Variants in LMTK2 observed in about 807,000 individuals in gnomAD.
The protein encoded by LMTK2 is serine/threonine-protein kinase LMTK2.
LMTK2 carries 37 observed loss-of-function variants against 127.5 expected under a neutral mutation model. The ratio of observed to expected loss-of-function variants is 0.29; its 90% CI spans 0.22 to 0.38. The LOEUF is 0.38. Among genes scored for constraint, LMTK2 ranks in the 10% least tolerant of loss-of-function variants. LMTK2 has a pLI of 1.00. For missense variants in LMTK2, 1,694 were observed against 1,920.3 expected, an observed-to-expected ratio of 0.88 and a Z score of 2.20; for synonymous variants, 819 against 810.1, an observed-to-expected ratio of 1.01 and a Z score of -0.19.
At chr7:98,112,576 G>A (rs888888172) in intron 1 of LMTK2, among the ~76,000 whole-genome samples, 1 of 152,220 alleles carries the variant, frequency 6.6e-6, no homozygotes, top group Non-Finnish European at 1.5e-5. Context: ...GCACAGAAGA[G>A]AACTTCCCAT....
chr7:98,107,445 AT>A (rs1796127901), intron 1 of LMTK2, among the ~76,000 whole-genome samples, 165 bp downstream of exon 1: 1 of 16,380 alleles, frequency 6.1e-5, no homozygotes. Context: ...GGGGCGTGGG[AT>A]TTGGGGGGGC....
intron 1 of LMTK2, among the ~76,000 whole-genome samples, chr7:98,119,035 T>C (rs1365214186): frequency 7.0e-6 from 1 of 143,620 alleles, no homozygotes; most frequent in African/African-American, 2.6e-5. Flanking sequence ...GAGGTTGCAG[T>C]GAACCAAGAT....
chr7:98,158,954 C>T (rs796188774), intron 5 of LMTK2, among the ~76,000 whole-genome samples: 13 of 152,130 alleles, frequency 8.5e-5, no homozygotes, highest in African/African-American at 3.1e-4. Context: ...GCTATTTGGC[C>T]AGCTGAGGTG....
chr7:98,170,301 C>A (rs1046598937), intron 6 of LMTK2, among the ~76,000 whole-genome samples: 2 of 152,208 alleles, frequency 1.3e-5, no homozygotes, highest in African/African-American at 2.4e-5. Context: ...TCAACATTAT[C>A]ACTCATGTAA....
At chr7:98,199,524 TCA>T (rs34805126) in intron 11 of LMTK2, among the ~76,000 whole-genome samples, 17,826 of 152,192 alleles carry the variant, frequency 0.12, 1,581 homozygotes, top group African/African-American at 0.25. Flanking sequence ...GGAGACAGTC[TCA>T]CTTTGTCACC....
chr7:98,158,386 C>CGA (rs1796960656), intron 5 of LMTK2, among the ~76,000 whole-genome samples: 1 of 152,200 alleles, frequency 6.6e-6, no homozygotes, highest in Non-Finnish European at 1.5e-5. Flanking sequence ...GCAATACTCC[C>CGA]GGCTCAGCTT....
intron 7 of LMTK2, among the ~76,000 whole-genome samples, chr7:98,175,085 G>A (rs1797256144): frequency 6.6e-6 from 1 of 152,280 alleles, no homozygotes; most frequent in Middle Eastern, 3.4e-3. Flanking sequence ...GGTGCTGAGC[G>A]GTTGGTCTGT....
intron 4 of LMTK2, 147 bp downstream of exon 4, chr7:98,151,602 G>A (rs1047443842): frequency 2.6e-5 from 16 of 613,558 alleles, no homozygotes; most frequent in Admixed American, 1.2e-4. Context: ...CTGTGGCAGC[G>A]TGGGGGCGTG....
chr7:98,166,080 C>T (rs919112051), intron 6 of LMTK2, among the ~76,000 whole-genome samples: 3 of 152,258 alleles, frequency 2.0e-5, no homozygotes, highest in African/African-American at 7.2e-5. Context: ...GGCACTACGG[C>T]CTTGGCCCTT....
intron 1 of LMTK2, among the ~76,000 whole-genome samples, chr7:98,111,246 G>A (rs1262024049): frequency 3.3e-5 from 5 of 152,190 alleles, no homozygotes; most frequent in Non-Finnish European, 7.3e-5. Context: ...AAAATTTAGA[G>A]TCCTTGGGCC....
chr7:98,140,177 T>TTTC (rs1447404822), intron 2 of LMTK2, among the ~76,000 whole-genome samples: 3 of 15,382 alleles, frequency 2.0e-4, no homozygotes, highest in African/African-American at 1.3e-3. Context: ...CTTTTCTTTC[T>TTTC]TTTCTTTCTT....
intron 2 of LMTK2, among the ~76,000 whole-genome samples, chr7:98,140,641 C>G (rs73404186): frequency 0.066 from 10,017 of 152,122 alleles, 381 homozygotes; most frequent in South Asian, 0.17. Context: ...AATATCTTTT[C>G]TGAGTCTTTC....
intron 5 of LMTK2, 127 bp from the exon 6 acceptor site, chr7:98,159,211 A>AT (rs1796976556): frequency 3.7e-6 from 2 of 536,038 alleles, no homozygotes; most frequent in South Asian, 6.7e-5. Context: ...ATTTATGTAA[A>AT]TATTATATAA....
At chr7:98,154,424 C>T (rs1796898593) in intron 4 of LMTK2, among the ~76,000 whole-genome samples, 1 of 152,184 alleles carries the variant, frequency 6.6e-6, no homozygotes, top group Admixed American at 6.5e-5. Flanking sequence ...TTATAAATTG[C>T]ACTTCTGTAA....
Position 98,194,127 on chromosome 7 carries a change from G to T in LMTK2, c.3662G>T (p.Arg1221Leu). ...SGDDFETQDDRPCTLASTGTN... is the reference protein window; with the variant it reads ...SGDDFETQDDLPCTLASTGTN... The stretch of plus-strand genomic sequence containing the variant: ...GATGACTTCGAGACACAGGACGATC[G>T]CCCCTGCACCCTCGCTTCCACGGGG... Residue 1221 changes from arginine to leucine, a missense_variant, in exon 11 of 14, where the codon CGC becomes CTC. Physicochemically the swap from Arg to Leu is moderately radical, Grantham distance 102. Coordinates refer to ENST00000297293, the MANE Select transcript of LMTK2 (RefSeq NM_014916.4). The surrounding 1 kb of genome is among the most constrained non-coding windows in gnomAD (Gnocchi z 5.4). 1 of 1,614,042 alleles carries T rather than the reference G, an allele frequency of 6.2e-7. No individual in the cohort carries two copies. The highest frequency in any genetic ancestry group is 1.7e-5 in the Admixed American group (1 of 60,016).
intron 6 of LMTK2, among the ~76,000 whole-genome samples, chr7:98,166,153 C>G (rs2116412254): frequency 6.6e-6 from 1 of 152,372 alleles, no homozygotes; most frequent in East Asian, 1.9e-4. Context: ...CCTGCTCTCC[C>G]TCCCCTGCAT....
rs535752944 is a variant in LMTK2 at position 98,108,616 on chromosome 7, T to A, written c.103+1336T>A. ...AAGAGTAAATGTTATCAGATGTGTATAGGCAACCCCGGAAAGAGTCACAGG... is the reference window on the plus strand; with the variant it reads ...AAGAGTAAATGTTATCAGATGTGTAAAGGCAACCCCGGAAAGAGTCACAGG... On this transcript the variant is annotated intron_variant, in intron 1 of 13. Transcript: ENST00000297293. Among the ~76,000 whole-genome samples, 3 of 152,304 alleles carry A rather than the reference T, an allele frequency of 2.0e-5. No homozygotes were observed. The East Asian group carries it at 5.8e-4, about 29-fold the overall frequency.
At chr7:98,131,339 G>A (rs572283791) in intron 1 of LMTK2, among the ~76,000 whole-genome samples, 4 of 152,138 alleles carry the variant, frequency 2.6e-5, no homozygotes, top group Non-Finnish European at 4.4e-5. Flanking sequence ...TGGGTAGGTC[G>A]TTTAAGTCTT....
intron 3 of LMTK2, among the ~76,000 whole-genome samples, chr7:98,147,554 G>A (rs940984282): frequency 6.6e-6 from 1 of 152,126 alleles, no homozygotes; most frequent in Non-Finnish European, 1.5e-5. Context: ...TTTTTTGAGT[G>A]TGTAGATTCA....
Sources: allele counts gnomAD v4.1 joint callset (sites outside exome capture counted in the v4.1 genomes callset), GRCh38; gene constraint gnomAD v4.1.1; non-coding constraint Gnocchi (gnomAD v3.1); transcripts MANE v1.5; gene names NCBI Gene and HGNC (gene_info 2026-07-23, HGNC 2026-07-21).